The following PTPRD variants were observed in gnomAD, a reference collection of about 807,000 sequenced individuals.
PTPRD encodes the protein protein tyrosine phosphatase receptor type D, also known as receptor-type tyrosine-protein phosphatase delta.
PTPRD carries 34 observed loss-of-function variants against 214.5 expected under a neutral mutation model. That is an observed-to-expected ratio of 0.16 (90% CI 0.12 to 0.21). The LOEUF (loss-of-function observed/expected upper bound fraction) is 0.21, where lower values mean the gene tolerates loss of function less well. PTPRD is among the 10% of genes least tolerant of loss of function. PTPRD has a pLI of 1.00. For synonymous variants in PTPRD, 1,128 were observed against 845.7 expected, an observed-to-expected ratio of 1.33 and a Z score of -5.79; for missense variants, 2,545 against 2,398.7, an observed-to-expected ratio of 1.06 and a Z score of -1.27.
At chr9:10,406,863 G>T (rs561230645) in intron 2 of PTPRD, among the ~76,000 whole-genome samples, 1 of 151,616 alleles carries the variant, frequency 6.6e-6, no homozygotes, top group East Asian at 2.0e-4. Context: ...GATCTCACAG[G>T]ATCCCTGTGG....
intron 11 of PTPRD, among the ~76,000 whole-genome samples, chr9:8,978,582 G>C (rs573908211): frequency 1.3e-5 from 2 of 152,074 alleles, no homozygotes; most frequent in African/African-American, 2.4e-5. Context: ...AGTGCACGCA[G>C]CCTTGAATCA....
chr9:8,959,432 G>A (rs1298846219), intron 11 of PTPRD, among the ~76,000 whole-genome samples: 1 of 151,964 alleles, frequency 6.6e-6, no homozygotes, highest in Non-Finnish European at 1.5e-5. Flanking sequence ...ACAAAAAATG[G>A]AGTGTAATAT....
Position 8,319,833 on chromosome 9 carries a change from C to G in PTPRD, c.5668G>C (p.Glu1890Gln), listed in dbSNP as rs753209923. 2.5e-6 allele frequency: 4 copies of G among 1,612,452 alleles called. No individual in the cohort carries two copies. In the African/African-American group the frequency reaches 4.0e-5, roughly 16 times the overall value. ...AAAAATGCAATGGATTTTCTCACCTCTGTCTGTACCATAGCTGGTCGTTGT... is the reference window on the plus strand; with the variant it reads ...AAAAATGCAATGGATTTTCTCACCTGTGTCTGTACCATAGCTGGTCGTTGT... The part of the protein sequence containing the change: ...RTQRPAMVQT[E>Q]DQYQFSYRAA... Residue 1890 changes from glutamate (E) to glutamine (Q), a missense_variant and splice_region_variant, in exon 45 of 46, where the codon GAG (glutamate) becomes CAG (glutamine). Glu to Gln is a conservative substitution (Grantham distance 29). Transcript: ENST00000381196.
intron 9 of PTPRD, among the ~76,000 whole-genome samples, chr9:9,263,070 A>T (rs983358361): frequency 6.6e-6 from 1 of 151,670 alleles, no homozygotes; most frequent in Non-Finnish European, 1.5e-5. Flanking sequence ...AGGGTAAAAA[A>T]ATTAATTTAT....
rs188465190 is a variant in PTPRD at position 9,068,664 on chromosome 9, T to A, written c.-142-49929A>T. On this transcript the variant is annotated intron_variant, in intron 10 of 45. Coordinates refer to ENST00000381196, the MANE Select transcript of PTPRD (RefSeq NM_002839.4). ...AGTCTCACTTGTCCCCAGGCTGGAGTGCAGTGGCGCACTCTCAGCTCACTG... is the reference window on the plus strand; with the variant it reads ...AGTCTCACTTGTCCCCAGGCTGGAGAGCAGTGGCGCACTCTCAGCTCACTG... Among the ~76,000 whole-genome samples the A allele has an allele frequency of 5.3e-5, 8 of 152,244 alleles. 1 individual carries two copies. In the South Asian group the frequency reaches 1.7e-3, roughly 32 times the overall value.
intron 7 of PTPRD, among the ~76,000 whole-genome samples, chr9:9,701,575 C>A (rs2097503098): frequency 6.6e-6 from 1 of 152,080 alleles, no homozygotes; most frequent in African/African-American, 2.4e-5. Flanking sequence ...ATTTAGCAAG[C>A]CACAAAGTCT....
chr9:10,588,386 C>T (rs1346012689), intron 2 of PTPRD, among the ~76,000 whole-genome samples: 1 of 150,668 alleles, frequency 6.6e-6, no homozygotes, highest in African/African-American at 2.4e-5. Context: ...AGTATTCAAA[C>T]AGTCAATGTG....
At chr9:9,775,974 A>AAAG (rs1565173548) in intron 5 of PTPRD, among the ~76,000 whole-genome samples, 2 of 151,104 alleles carry the variant, frequency 1.3e-5, no homozygotes, top group Admixed American at 1.3e-4. Context: ...AAAAAAAAAA[A>AAAG]AAAAAGCAAA....
intron 4 of PTPRD, among the ~76,000 whole-genome samples, chr9:10,006,307 A>G (rs971671120): frequency 6.6e-6 from 1 of 152,060 alleles, no homozygotes; most frequent in Non-Finnish European, 1.5e-5. Context: ...TAGTCTGTGC[A>G]GCTCTAGTCC....
In PTPRD at chr9:10,448,065, T is replaced by G. The variant is rs73390304; in HGVS notation, c.-599-107048A>C. On this transcript the variant is annotated intron_variant, in intron 2 of 45. Transcript: ENST00000381196. ...TGTATAAGTATCTCTATTTTTTAGT[T>G]GAGGAAACTGAGCCCCAAATATAAT... Among the ~76,000 whole-genome samples the G allele has an allele frequency of 1.5e-3, 228 of 152,064 alleles. 6 individuals are homozygous for G. The highest frequency in any genetic ancestry group is 5.3e-3 in the African/African-American group (218 of 41,354).
intron 39 of PTPRD, among the ~76,000 whole-genome samples, chr9:8,349,576 G>C (rs1426128992): frequency 1.3e-5 from 2 of 152,086 alleles, no homozygotes; most frequent in Non-Finnish European, 2.9e-5. Context: ...AACATGATAA[G>C]AACAGCAAAA....
intron 11 of PTPRD, among the ~76,000 whole-genome samples, chr9:8,829,663 C>A (rs1196075690): frequency 2.6e-5 from 4 of 152,090 alleles, no homozygotes; most frequent in Admixed American, 1.3e-4. Context: ...CTCCTGGGAG[C>A]TCGGTTACTA....
intron 2 of PTPRD, among the ~76,000 whole-genome samples, chr9:10,532,672 A>T (rs28701523): frequency 6.7e-6 from 1 of 149,006 alleles, no homozygotes; most frequent in Admixed American, 6.8e-5. Flanking sequence ...TTCTTTAAAA[A>T]CATTGCACCA....
At chr9:9,121,246 GC>G (rs778268134) in intron 10 of PTPRD, among the ~76,000 whole-genome samples, 2 of 152,132 alleles carry the variant, frequency 1.3e-5, no homozygotes, top group Non-Finnish European at 2.9e-5. Flanking sequence ...TAATACAGCT[GC>G]TGTGGAAAAC....
At chr9:8,718,708 A>G (rs1485009741) in intron 12 of PTPRD, among the ~76,000 whole-genome samples, 2 of 152,194 alleles carry the variant, frequency 1.3e-5, no homozygotes, top group African/African-American at 4.8e-5. Context: ...CCCTTCCTAC[A>G]TCTGCAGAAA....
At chr9:9,245,267 C>T (rs1364640708) in intron 9 of PTPRD, among the ~76,000 whole-genome samples, 1 of 151,486 alleles carries the variant, frequency 6.6e-6, no homozygotes, top group African/African-American at 2.4e-5. Flanking sequence ...TACCATTTGA[C>T]CCAGCCATGC....
chr9:8,767,230 G>A (rs1279038498), intron 11 of PTPRD, among the ~76,000 whole-genome samples: 2 of 151,956 alleles, frequency 1.3e-5, no homozygotes, highest in East Asian at 1.9e-4. Context: ...TGATTCTCCT[G>A]CCTCAGCCTC....
chr9:9,240,424 G>T (rs2099969781), intron 9 of PTPRD, among the ~76,000 whole-genome samples: 2 of 152,092 alleles, frequency 1.3e-5, no homozygotes, highest in Admixed American at 1.3e-4. Flanking sequence ...TATAATCCCA[G>T]CACTTTGGGA....
At chr9:8,726,300 C>A (rs1027797226) in intron 12 of PTPRD, among the ~76,000 whole-genome samples, 1 of 151,594 alleles carries the variant, frequency 6.6e-6, no homozygotes, top group African/African-American at 2.4e-5. Flanking sequence ...TGAAATGGGT[C>A]AGGTACAGCT....
Sources: allele counts gnomAD v4.1 joint callset (sites outside exome capture counted in the v4.1 genomes callset), GRCh38; gene constraint gnomAD v4.1.1; transcripts MANE v1.5; gene names NCBI Gene and HGNC (gene_info 2026-07-23, HGNC 2026-07-21).